ATM: variants seen among roughly 807,000 people sequenced by gnomAD.
ATM encodes the protein serine-protein kinase ATM.
A neutral mutation model predicts 387.0 loss-of-function variants in ATM; 308 were observed. The observed-to-expected ratio is 0.80, with a 90% CI of 0.73 to 0.87. ATM has a LOEUF of 0.87. Among genes scored for constraint, ATM ranks in the 40% least tolerant of loss-of-function variants. ATM has a pLI of 0.00. For synonymous variants in ATM, 1,156 were observed against 1,187.3 expected (o/e 0.97, Z 0.54); for missense variants, 3,312 against 3,560.9 (o/e 0.93, Z 1.78).
intron 56 of ATM, 38 bp from the exon 57 acceptor site, chr11:108,343,184 C>A (rs1328855134): frequency 1.9e-6 from 3 of 1,612,810 alleles, no homozygotes; most frequent in Non-Finnish European, 2.5e-6. Flanking sequence ...TCTTTAATGG[C>A]CTTTTAAAAT....
At chr11:108,267,148 A>T (rs747274083) in intron 16 of ATM, 23 bp from the exon 17 acceptor site, 5 of 1,613,046 alleles carry the variant, frequency 3.1e-6, no homozygotes, top group Non-Finnish European at 4.2e-6. Flanking sequence ...CATCTTGAAC[A>T]TCTTTGTTTC....
intron 8 of ATM, 45 bp from the exon 9 acceptor site, chr11:108,248,888 C>T: frequency 8.0e-7 from 1 of 1,245,602 alleles, no homozygotes; most frequent in Non-Finnish European, 1.1e-6. Flanking sequence ...AACTCTGGCT[C>T]AAAAAAAAAA....
At position 108,304,859 on chromosome 11, in the gene ATM, T is replaced by A. The variant is rs1591718715; in HGVS notation, c.5674+7T>A. ...CCTGCAAACTTGGATTCAGGTATTCTATTAAATTTTTAACATTAATACTGT... is the reference window on the plus strand; with the variant it reads ...CCTGCAAACTTGGATTCAGGTATTCAATTAAATTTTTAACATTAATACTGT... On this transcript the variant is annotated splice_region_variant and intron_variant, in intron 37 of 62. Coordinates refer to ENST00000675843, the MANE Select transcript of ATM (RefSeq NM_000051.4). 2 of 1,613,520 alleles carry A rather than the reference T, an allele frequency of 1.2e-6. No homozygotes were observed. The highest frequency in any genetic ancestry group is 8.5e-7 in the Non-Finnish European group (1 of 1,179,820).
intron 47 of ATM, among the ~76,000 whole-genome samples, chr11:108,326,494 A>G (rs1352990350): frequency 2.0e-5 from 3 of 152,202 alleles, no homozygotes; most frequent in South Asian, 2.1e-4. Flanking sequence ...AATTCAAGAA[A>G]GGTATGTGGG....
At chr11:108,274,599 C>T (rs773250974) in intron 22 of ATM, among the ~76,000 whole-genome samples, 2 of 152,080 alleles carry the variant, frequency 1.3e-5, no homozygotes, top group Non-Finnish European at 2.9e-5. Flanking sequence ...AAAGAACTTA[C>T]TTATTTCTGC....
At position 108,279,441 on chromosome 11, in the gene ATM, T is replaced by C. The variant is rs1034037521; in HGVS notation, c.3285-50T>C. 29 of 1,359,088 alleles carry C rather than the reference T, an allele frequency of 2.1e-5. No homozygotes were observed. The Middle Eastern group carries it at 8.9e-4, about 42-fold the overall frequency. The allele number at this position is 1,359,088 out of a possible 1,614,324, so 84.2% of individuals were successfully genotyped here. A position where few individuals can be genotyped will look rare whatever the true frequency, so the allele number is the denominator to read the frequency against. On this transcript the variant is annotated intron_variant, in intron 22 of 62. Transcript: ENST00000675843. ...ATGCTTTGGAAAGTAGGGTTTGAAATTAGAAAATTATTTCACTTTTTGTTT... is the reference window on the plus strand; with the variant it reads ...ATGCTTTGGAAAGTAGGGTTTGAAACTAGAAAATTATTTCACTTTTTGTTT...
chr11:108,363,074 A>C (rs1275232527), intron 61 of ATM, among the ~76,000 whole-genome samples: 1 of 152,188 alleles, frequency 6.6e-6, no homozygotes, highest in African/African-American at 2.4e-5. Context: ...GAATTTCCCC[A>C]AATCATTTGG....
chr11:108,328,957 A>G (rs752247858), intron 48 of ATM, 64 bp from the exon 49 acceptor site: 1 of 1,467,812 alleles, frequency 6.8e-7, no homozygotes, highest in Non-Finnish European at 9.4e-7. Flanking sequence ...CCTTAATTTG[A>G]GTGATTCTTT....
intron 22 of ATM, 97 bp downstream of exon 22, chr11:108,272,949 C>G (rs1419632322): frequency 6.8e-7 from 1 of 1,479,660 alleles, no homozygotes; most frequent in African/African-American, 1.4e-5. Flanking sequence ...TTAAAAATAG[C>G]TAACACTTGT....
chr11:108,348,297 TAAG>T (rs771855576), intron 59 of ATM, among the ~76,000 whole-genome samples: 4 of 151,418 alleles, frequency 2.6e-5, no homozygotes, highest in Admixed American at 6.6e-5. Flanking sequence ...TTGTAAATAA[TAAG>T]AAAGTGATGA....
In ATM at chr11:108,368,387, A is replaced by G. The variant is rs959280231; in HGVS notation, c.*2879A>G. ...ACAAATGAGGAGTAGTTAGATTTTG[A>G]AAATATTAATCATAGAATAGTTGTT... On this transcript the variant is annotated 3_prime_UTR_variant, in exon 63 of 63. Transcript: ENST00000675843. 4.7e-6 allele frequency: 1 copy of G among 210,598 alleles called. No individual in the cohort carries two copies. The highest frequency in any genetic ancestry group is 2.3e-5 in the African/African-American group (1 of 43,998). 13.0% of individuals were successfully genotyped at this position (210,598 alleles called of 1,614,324 possible).
intron 7 of ATM, among the ~76,000 whole-genome samples, chr11:108,245,330 G>A (rs2135248224): frequency 6.6e-6 from 1 of 152,292 alleles, no homozygotes; most frequent in Non-Finnish European, 1.5e-5. Context: ...TAAGGGGTCT[G>A]ACACAGACTG....
rs2135552016 is a variant in ATM at position 108,271,279 on chromosome 11, C to T, written c.2950C>T (p.Gln984Ter). Reference protein sequence around the residue: ...SNVCSLYRRDQDVCKTILNHV... With the variant: ...SNVCSLYRRD ...TGTGTGTTCTTTGTATCGTCGTGAC[C>T]AAGATGTTTGTAAAACTATTTTAAA... Residue 984 changes from glutamine to a stop codon, truncating the protein, a stop_gained, in exon 20 of 63, where the codon CAA becomes TAA. Coordinates refer to ENST00000675843, the MANE Select transcript of ATM (RefSeq NM_000051.4). LOFTEE classifies it high-confidence loss of function. 6.2e-7 allele frequency: 1 copy of T among 1,612,654 alleles called. No homozygotes were observed. The highest frequency in any genetic ancestry group is 8.5e-7 in the Non-Finnish European group (1 of 1,179,848).
chr11:108,261,044 G>A (rs921757180), intron 16 of ATM, among the ~76,000 whole-genome samples: 44 of 151,956 alleles, frequency 2.9e-4, no homozygotes, highest in South Asian at 2.1e-4. Flanking sequence ...ACTGCAAGGC[G>A]GCAGCGAGGC....
At chr11:108,272,892 A>G in intron 22 of ATM, 40 bp downstream of exon 22, 2 of 1,612,724 alleles carry the variant, frequency 1.2e-6, no homozygotes, top group Non-Finnish European at 1.7e-6. Flanking sequence ...GGAATGCTGC[A>G]GATGGCAGTA....
chr11:108,292,698 G>T lies in ATM; in HGVS notation c.4516G>T (p.Val1506Leu), dbSNP rs760542469. Residue 1506 changes from valine to leucine, a missense_variant, in exon 30 of 63, where the codon GTG (valine) becomes TTG (leucine). Coordinates refer to ENST00000675843, the MANE Select transcript of ATM (RefSeq NM_000051.4). ...DLLSQVCQTAVTYCKDALENH... is the reference protein window; with the variant it reads ...DLLSQVCQTALTYCKDALENH... ...ATTAAGTCAGGTTTGCCAGACAGCC[G>T]TGACTTACTGTAAGGATGCTCTAGA... The T allele has an allele frequency of 6.2e-6, 10 of 1,613,766 alleles. 1 individual carries two copies. In the South Asian group the frequency reaches 1.1e-4, roughly 18 times the overall value.
At chr11:108,299,681 A>G (rs2083313381) in intron 33 of ATM, 33 bp from the exon 34 acceptor site, 1 of 1,603,754 alleles carries the variant, frequency 6.2e-7, no homozygotes, top group Non-Finnish European at 8.5e-7. Context: ...TCTCTTACCT[A>G]TGACTCTACT....
intron 15 of ATM, among the ~76,000 whole-genome samples, 153 bp from the exon 16 acceptor site, chr11:108,258,833 C>A (rs2080678775): frequency 6.6e-6 from 1 of 152,116 alleles, no homozygotes; most frequent in Non-Finnish European, 1.5e-5. Context: ...TATTATAACT[C>A]TAAGAAAAGA....
chr11:108,346,193 C>G (rs1379354889), intron 58 of ATM, among the ~76,000 whole-genome samples: 5 of 152,006 alleles, frequency 3.3e-5, no homozygotes, highest in Non-Finnish European at 4.4e-5. Flanking sequence ...CATATTTTCT[C>G]TCCTCTCAAT....
Sources: allele counts gnomAD v4.1 joint callset (sites outside exome capture counted in the v4.1 genomes callset), GRCh38; gene constraint gnomAD v4.1.1; transcripts MANE v1.5; gene names NCBI Gene and HGNC (gene_info 2026-07-23, HGNC 2026-07-21).